Variants in ITIH1 observed in about 807,000 individuals in gnomAD.
ITIH1 encodes inter-alpha-trypsin inhibitor heavy chain H1.
In ITIH1, 94 loss-of-function variants were observed where a neutral mutation model predicts 104.6. The ratio of observed to expected loss-of-function variants is 0.90; its 90% CI spans 0.76 to 1.07. The LOEUF (loss-of-function observed/expected upper bound fraction) is 1.07, where lower values mean the gene tolerates loss of function less well. Ranked by LOEUF, ITIH1 falls within the 50% of genes least tolerant of loss-of-function variation. The pLI, the probability that ITIH1 is intolerant of heterozygous loss-of-function variation, is 0.00. For missense variants in ITIH1, 1,193 were observed against 1,181.4 expected, an observed-to-expected ratio of 1.01 and a Z score of -0.14; for synonymous variants, 455 against 464.4, an observed-to-expected ratio of 0.98 and a Z score of 0.26.
Position 52,778,217 on chromosome 3 carries a change from G to T in ITIH1, c.139-123G>T, listed in dbSNP as rs1005608205. Reference sequence around the variant, plus strand: ...GCCAGAGAGCAGGGGTCTTCCTGCGGTCTGTTCTTCCTGCATCTGGGCACC... The same window carrying T: ...GCCAGAGAGCAGGGGTCTTCCTGCGTTCTGTTCTTCCTGCATCTGGGCACC... On this transcript the variant is annotated intron_variant, in intron 2 of 21. Coordinates refer to ENST00000273283, the MANE Select transcript of ITIH1 (RefSeq NM_002215.4). 4.3e-6 allele frequency: 5 copies of T among 1,157,228 alleles called. No homozygotes were observed. The Admixed American group carries it at 8.8e-5, about 20-fold the overall frequency. The allele number at this position is 1,157,228 out of a possible 1,614,324, so 71.7% of individuals were successfully genotyped here. A position where few individuals can be genotyped will look rare whatever the true frequency, so the allele number is the denominator to read the frequency against.
chr3:52,788,378 G>A, intron 18 of ITIH1, 33 bp downstream of exon 18: 1 of 1,370,270 alleles, frequency 7.3e-7, no homozygotes. Flanking sequence ...GCCAGACAGG[G>A]CCAGGGCTCC....
At chr3:52,778,088 A>G (rs1162521791) in intron 2 of ITIH1, 71 bp downstream of exon 2, 1 of 1,544,212 alleles carries the variant, frequency 6.5e-7, no homozygotes, top group Non-Finnish European at 9.0e-7. Flanking sequence ...CCAACCTGTC[A>G]GGGGTGGACC....
chr3:52,791,265 G>GC (rs3216516), intron 20 of ITIH1, among the ~76,000 whole-genome samples: 61,456 of 151,926 alleles, frequency 0.4, 12,920 homozygotes, highest in African/African-American at 0.49. Context: ...ATGGGCACCT[G>GC]CCCTCAAACC....
Position 52,780,274 on chromosome 3 carries a change from T to G in ITIH1, c.579T>G (p.Asp193Glu). 5.6e-6 allele frequency: 9 copies of G among 1,610,602 alleles called. No individual in the cohort carries two copies. Among genetic ancestry groups the G allele is most frequent in the Non-Finnish European group, 7.6e-6 (9 of 1,177,334 alleles). Residue 193 changes from aspartate (D) to glutamate (E), a missense_variant, in exon 6 of 22, where the codon GAT becomes GAG. Coordinates refer to ENST00000273283, the MANE Select transcript of ITIH1 (RefSeq NM_002215.4). ...AATTTGCTTCAATGTTGCAGATTGA[T>G]GTGGACATCTTCGAGCCCCAGGGGA... ...PKQLVHHFEI[D>E]VDIFEPQGIS...
At position 52,784,352 on chromosome 3, in the gene ITIH1, T is replaced by C. The variant is rs762821158; in HGVS notation, c.1282T>C (p.Phe428Leu). 1 of 1,614,138 alleles carries C rather than the reference T, an allele frequency of 6.2e-7. No homozygotes were observed. Among genetic ancestry groups the C allele is most frequent in the Non-Finnish European group, 8.5e-7 (1 of 1,179,998 alleles). The change falls in exon 11 of 22, where the codon TTC becomes CTC. Residue 428 changes from phenylalanine (F) to leucine (L), a missense_variant. Phe to Leu is a conservative substitution (Grantham distance 22). Coordinates refer to ENST00000273283, the MANE Select transcript of ITIH1 (RefSeq NM_002215.4). ...KNVRNAIRGR[F>L]PLYNLGFGHN... ...CGTCCGCAACGCCATCCGGGGCAGG[T>C]TCCCGCTCTACAACCTGGGTTTCGG...
At chr3:52,782,312 G>A in intron 8 of ITIH1, 45 bp downstream of exon 8, 2 of 1,441,770 alleles carry the variant, frequency 1.4e-6, no homozygotes, top group East Asian at 2.3e-5. Flanking sequence ...AGCTTCCACA[G>A]CCCCATCACT....
chr3:52,784,151 G>A, intron 10 of ITIH1, 145 bp from the exon 11 acceptor site: 1 of 676,594 alleles, frequency 1.5e-6, no homozygotes, highest in South Asian at 1.9e-5. Flanking sequence ...AGAGCCAGGA[G>A]GACGCGATGC....
chr3:52,779,837 C>A lies in ITIH1; in HGVS notation c.573+243C>A. The A allele has an allele frequency of 7.6e-7, 1 of 1,315,596 alleles. No individual in the cohort carries two copies. 81.5% of individuals were successfully genotyped at this position (1,315,596 alleles called of 1,614,324 possible). A position where few individuals can be genotyped will look rare whatever the true frequency, so the allele number is the denominator to read the frequency against. ...CTAGACGGGGGGTTTCTGTGAGTCC[C>A]AGGACCGCCACAGGGATCACGAGAA... On this transcript the variant is annotated intron_variant, in intron 5 of 21. Transcript: ENST00000273283. This position sits in a 1 kb window ranked among gnomAD's most constrained non-coding sequence, Gnocchi z 4.4.
In ITIH1 at chr3:52,787,074, G is replaced by A. The variant is rs1202525562; in HGVS notation, c.1863G>A (p.Lys621=). ...IRGMADQDGL[K]PTIDKPSEDS... The stretch of plus-strand genomic sequence containing the variant: ...GCATGGCGGACCAGGACGGCCTGAA[G>A]CCCACCATCGACAAGCCCTCAGAGG... Residue 621 remains lysine (K), a synonymous_variant, in exon 14 of 22, where the codon AAG becomes AAA. Transcript: ENST00000273283. 1.2e-6 allele frequency: 2 copies of A among 1,614,086 alleles called. No homozygotes were observed. The highest frequency in any genetic ancestry group is 1.7e-5 in the Admixed American group (1 of 60,008).
chr3:52,778,095 G>C, intron 2 of ITIH1, 78 bp downstream of exon 2: 1 of 1,510,010 alleles, frequency 6.6e-7, no homozygotes, highest in Non-Finnish European at 9.2e-7. Flanking sequence ...GTCAGGGGTG[G>C]ACCCCTCTAT....
intron 20 of ITIH1, among the ~76,000 whole-genome samples, chr3:52,791,186 A>C (rs1447096159): frequency 6.6e-6 from 1 of 152,124 alleles, no homozygotes; most frequent in Non-Finnish European, 1.5e-5. Flanking sequence ...GGTTCCCAGG[A>C]ACCTTGTGAG....
At chr3:52,785,894 C>T (rs1263451956) in intron 12 of ITIH1, among the ~76,000 whole-genome samples, 1 of 152,180 alleles carries the variant, frequency 6.6e-6, no homozygotes, top group Admixed American at 6.5e-5. Flanking sequence ...CATAGGATGC[C>T]CTTGGGAAGT....
rs376052057 is a variant in ITIH1, at chr3:52,788,303, G to T, written c.2077G>T (p.Glu693Ter). Residue 693 changes from glutamate to a stop codon, truncating the protein, a stop_gained, in exon 18 of 22, where the codon GAG becomes TAG. Coordinates refer to ENST00000273283, the MANE Select transcript of ITIH1 (RefSeq NM_002215.4). LOFTEE classifies it high-confidence loss of function. ...CACCCTGTGCTTCAACATCAATGAG[G>T]AGCCTGGTGTTATCCTGAGCCTGGT... ...EDTLCFNINE[E>*]PGVILSLVQD... is the part of the protein sequence containing the mutation. 6 of 1,610,994 alleles carry T rather than the reference G, an allele frequency of 3.7e-6. No homozygotes were observed. The highest frequency in any genetic ancestry group is 5.1e-6 in the Non-Finnish European group (6 of 1,178,674).
rs375504966 is a variant in ITIH1, at chr3:52,788,562, C to CTT, written c.2119+230_2119+231dup. On this transcript the variant is annotated intron_variant, in intron 18 of 21. Transcript: ENST00000273283. ...TGTGACTGGGGTAGGCACACAGGGG[C>CTT]TTTTTTTTTTTTTTCTGAGACAGAG... Among the ~76,000 whole-genome samples, 18 of 139,640 alleles carry CTT rather than the reference C, an allele frequency of 1.3e-4. 2 individuals are homozygous for CTT. Among genetic ancestry groups the CTT allele is most frequent in the Admixed American group, 2.2e-4 (3 of 13,858 alleles). 91.6% of individuals were successfully genotyped at this position (139,640 alleles called of 152,430 possible).
Position 52,778,407 on chromosome 3 carries a change from A to G in ITIH1, c.206A>G (p.Tyr69Cys), listed in dbSNP as rs1457546385. ...AAAGTCACCTCTCGCTTCGCCCACT[A>G]TGTTGTCACCAGCCAAGTGGTCAAC... Reference protein sequence around the residue: ...NCKVTSRFAHYVVTSQVVNTA... With the variant: ...NCKVTSRFAHCVVTSQVVNTA... The change falls in exon 3 of 22, where the codon TAT becomes TGT. Residue 69 changes from tyrosine (Y) to cysteine (C), a missense_variant. By Grantham distance (194) the Tyr-to-Cys change is radical. Coordinates refer to ENST00000273283, the MANE Select transcript of ITIH1 (RefSeq NM_002215.4). 1.9e-6 allele frequency: 3 copies of G among 1,614,012 alleles called. No individual in the cohort carries two copies. The highest frequency in any genetic ancestry group is 2.7e-5 in the African/African-American group (2 of 74,900).
Position 52,779,683 on chromosome 3 carries a change from A to T in ITIH1, c.573+89A>T. ...GGTTGAGCACCCACCATGTGTCACC[A>T]CCCAGGCCTGAGAACACAGGGATGG... is the stretch of plus-strand genomic sequence containing the variant. On this transcript the variant is annotated intron_variant, in intron 5 of 21. Transcript: ENST00000273283. This position sits in a 1 kb window ranked among gnomAD's most constrained non-coding sequence, Gnocchi z 4.4. 6.8e-7 allele frequency: 1 copy of T among 1,479,510 alleles called. No individual in the cohort carries two copies. The highest frequency in any genetic ancestry group is 9.4e-7 in the Non-Finnish European group (1 of 1,059,690). 91.6% of individuals were successfully genotyped at this position (1,479,510 alleles called of 1,614,324 possible).
In ITIH1 at chr3:52,790,743, C is replaced by T. The variant is rs1238226419; in HGVS notation, c.2322-6C>T. The T allele has an allele frequency of 1.9e-6, 3 of 1,609,914 alleles. No homozygotes were observed. Among genetic ancestry groups the T allele is most frequent in the Non-Finnish European group, 2.5e-6 (3 of 1,178,478 alleles). ...CACCTGCCCTCTCGGCCACCTGGCTCTGCAGGGTGGTGGTGACCATCAACA... is the reference window on the plus strand; with the variant it reads ...CACCTGCCCTCTCGGCCACCTGGCTTTGCAGGGTGGTGGTGACCATCAACA... On this transcript the variant is annotated splice_region_variant and splice_polypyrimidine_tract_variant and intron_variant, in intron 19 of 21. Coordinates refer to ENST00000273283, the MANE Select transcript of ITIH1 (RefSeq NM_002215.4).
At chr3:52,784,054 C>T (rs2079928) in intron 10 of ITIH1, among the ~76,000 whole-genome samples, 8,861 of 152,166 alleles carry the variant, frequency 0.058, 871 homozygotes, top group African/African-American at 0.2. Flanking sequence ...GGCAGGATTT[C>T]GAGCAGAATC....
intron 17 of ITIH1, 80 bp downstream of exon 17, chr3:52,788,146 C>G: frequency 6.6e-7 from 1 of 1,517,610 alleles, no homozygotes; most frequent in African/African-American, 1.4e-5. Flanking sequence ...CTGTCTCTCT[C>G]TGGGACCTGC....
Sources: allele counts gnomAD v4.1 joint callset (sites outside exome capture counted in the v4.1 genomes callset), GRCh38; gene constraint gnomAD v4.1.1; non-coding constraint Gnocchi (gnomAD v3.1); transcripts MANE v1.5; gene names NCBI Gene and HGNC (gene_info 2026-07-23, HGNC 2026-07-21).